Variants in SEMA6D observed in about 807,000 individuals in gnomAD.
The protein encoded by SEMA6D is semaphorin 6D.
SEMA6D carries 35 observed loss-of-function variants against 106.6 expected under a neutral mutation model. The ratio of observed to expected loss-of-function variants is 0.33; its 90% CI spans 0.25 to 0.44. The LOEUF is 0.44. Ranked by LOEUF, SEMA6D falls within the 20% of genes least tolerant of loss-of-function variation. SEMA6D has a pLI of 1.00. For missense variants in SEMA6D, 1,185 were observed against 1,345.9 expected (o/e 0.88, Z 1.87); for synonymous variants, 499 against 487.7 (o/e 1.02, Z -0.31).
chr15:47,207,985 G>GCACA (rs1491250154), intron 1 of SEMA6D, among the ~76,000 whole-genome samples: 1 of 60,674 alleles, frequency 1.6e-5, no homozygotes, highest in African/African-American at 6.1e-5. Flanking sequence ...GTAGCCACTG[G>GCACA]CGCGCGCGCA....
chr15:47,564,353 C>T (rs2046166943), intron 3 of SEMA6D, among the ~76,000 whole-genome samples: 1 of 152,184 alleles, frequency 6.6e-6, no homozygotes, highest in African/African-American at 2.4e-5. Flanking sequence ...TAGGCAATTA[C>T]TTAAACTCTA....
At chr15:47,426,518 G>C (rs900908325) in intron 2 of SEMA6D, among the ~76,000 whole-genome samples, 4 of 152,048 alleles carry the variant, frequency 2.6e-5, no homozygotes, top group African/African-American at 7.2e-5. Context: ...TTTATATAGG[G>C]AAGGATAGGG....
At chr15:47,682,730 T>C (rs926127613) in intron 4 of SEMA6D, among the ~76,000 whole-genome samples, 2 of 152,202 alleles carry the variant, frequency 1.3e-5, no homozygotes, top group Admixed American at 1.3e-4. Context: ...GCTCTAAGAA[T>C]AGCACAACTC....
At chr15:47,487,229 C>T (rs1366608426) in intron 3 of SEMA6D, among the ~76,000 whole-genome samples, 1 of 152,122 alleles carries the variant, frequency 6.6e-6, no homozygotes, top group Non-Finnish European at 1.5e-5. Flanking sequence ...GTACTGTAAT[C>T]GGCATCCCCA....
chr15:47,310,457 G>T (rs2036406029), intron 1 of SEMA6D, among the ~76,000 whole-genome samples: 1 of 152,152 alleles, frequency 6.6e-6, no homozygotes, highest in Admixed American at 6.5e-5. Context: ...TGAGCCAATT[G>T]CTCTTTTCAC....
chr15:47,585,762 A>T (rs35335039), intron 3 of SEMA6D, among the ~76,000 whole-genome samples: 284 of 150,290 alleles, frequency 1.9e-3, no homozygotes, highest in Non-Finnish European at 2.9e-3. Context: ...GTAATTTTTT[A>T]AAATGTATTA....
chr15:47,744,370 G>A (rs1468347136), intron 1 of SEMA6D, among the ~76,000 whole-genome samples: 1 of 152,152 alleles, frequency 6.6e-6, no homozygotes, highest in African/African-American at 2.4e-5. Flanking sequence ...AAAGCACATT[G>A]GGAATGCAGA....
intron 1 of SEMA6D, among the ~76,000 whole-genome samples, chr15:47,329,513 A>G (rs1338873480): frequency 6.6e-6 from 1 of 152,228 alleles, no homozygotes; most frequent in Non-Finnish European, 1.5e-5. Flanking sequence ...TAATGTCAGA[A>G]TATTTTAGCT....
chr15:47,184,387 A>C (rs557470763), exon 1 of SEMA6D: 1 of 152,520 alleles, frequency 6.6e-6, no homozygotes, highest in South Asian at 2.1e-4. Context: ...CCGAGTCCGA[A>C]GCGGGAGTCA....
At chr15:47,719,125 T>A (rs1009039785) in intron 1 of SEMA6D, among the ~76,000 whole-genome samples, 6 of 151,338 alleles carry the variant, frequency 4.0e-5, no homozygotes, top group African/African-American at 1.2e-4. Flanking sequence ...CCTGAACTTG[T>A]TAAAAGGCGA....
intron 1 of SEMA6D, among the ~76,000 whole-genome samples, chr15:47,390,098 T>C (rs937565487): frequency 3.9e-5 from 6 of 152,152 alleles, no homozygotes; most frequent in Non-Finnish European, 8.8e-5. Flanking sequence ...AAGTGATAAT[T>C]ATTTAATCTT....
At chr15:47,367,405 A>C (rs1226385560) in intron 1 of SEMA6D, among the ~76,000 whole-genome samples, 5 of 152,206 alleles carry the variant, frequency 3.3e-5, no homozygotes, top group African/African-American at 1.2e-4. Context: ...GGCAACACTG[A>C]AATCAGAAGA....
chr15:47,334,752 C>T (rs1363023189), intron 1 of SEMA6D, among the ~76,000 whole-genome samples: 1 of 152,124 alleles, frequency 6.6e-6, no homozygotes, highest in East Asian at 1.9e-4. Flanking sequence ...GGGTGGCTAC[C>T]TGGTCACCCA....
chr15:47,192,366 A>G (rs1207759100), intron 1 of SEMA6D, among the ~76,000 whole-genome samples: 5 of 152,214 alleles, frequency 3.3e-5, no homozygotes, highest in Admixed American at 1.3e-4. Context: ...ATCTTAGTAG[A>G]ATGCAATGTA....
intron 1 of SEMA6D, among the ~76,000 whole-genome samples, chr15:47,733,306 A>G (rs1326602003): frequency 6.6e-6 from 1 of 152,154 alleles, no homozygotes; most frequent in Non-Finnish European, 1.5e-5. Flanking sequence ...CTGGTACAAT[A>G]ATACAATAAA....
At chr15:47,576,571 C>G (rs1225016221) in intron 3 of SEMA6D, among the ~76,000 whole-genome samples, 2 of 152,228 alleles carry the variant, frequency 1.3e-5, no homozygotes, top group Non-Finnish European at 2.9e-5. Context: ...CACTAAATCA[C>G]TCTATTCCCA....
intron 1 of SEMA6D, among the ~76,000 whole-genome samples, chr15:47,278,543 T>C (rs1427178752): frequency 6.6e-6 from 1 of 152,152 alleles, no homozygotes; most frequent in African/African-American, 2.4e-5. Flanking sequence ...GTTGCGAAAA[T>C]TTTCTCCCAT....
chr15:47,723,368 A>G (rs1187113713), intron 1 of SEMA6D, among the ~76,000 whole-genome samples: 11 of 152,250 alleles, frequency 7.2e-5, no homozygotes, highest in African/African-American at 2.6e-4. Context: ...ACAAATGGCA[A>G]TATTCATCAC....
At chr15:47,620,555 A>G (rs536383022) in intron 4 of SEMA6D, among the ~76,000 whole-genome samples, 2 of 152,164 alleles carry the variant, frequency 1.3e-5, no homozygotes, top group Admixed American at 6.5e-5. Context: ...TAAAAAGCAA[A>G]TCAGCCAGCT....
Sources: gnomAD v4.1 joint callset for allele counts (sites outside exome capture counted in the v4.1 genomes callset) on GRCh38, gnomAD v4.1.1 for gene constraint, MANE v1.5 for transcripts, NCBI Gene and HGNC (gene_info 2026-07-23, HGNC 2026-07-21) for gene names.